ST6GALNAC3: variants seen among roughly 807,000 people sequenced by gnomAD.
ST6GALNAC3 encodes alpha-N-acetylgalactosaminide alpha-2,6-sialyltransferase 3.
ST6GALNAC3 carries 25 observed loss-of-function variants against 32.7 expected under a neutral mutation model. The ratio of observed to expected loss-of-function variants is 0.76; its 90% CI spans 0.56 to 1.07. The LOEUF (loss-of-function observed/expected upper bound fraction) is 1.07, where lower values mean the gene tolerates loss of function less well. ST6GALNAC3 is among the 50% of genes least tolerant of loss of function. The pLI, the probability that ST6GALNAC3 is intolerant of heterozygous loss-of-function variation, is 0.00. For missense variants in ST6GALNAC3, 355 were observed against 382.4 expected, an observed-to-expected ratio of 0.93 and a Z score of 0.60; for synonymous variants, 129 against 133.1, an observed-to-expected ratio of 0.97 and a Z score of 0.21.
intron 1 of ST6GALNAC3, among the ~76,000 whole-genome samples, chr1:76,225,492 A>T (rs983781974): frequency 6.6e-6 from 1 of 152,130 alleles, no homozygotes; most frequent in Non-Finnish European, 1.5e-5. Flanking sequence ...CAAACCCATT[A>T]AAGAGAGGAA....
chr1:76,187,782 C>T (rs949015378), intron 1 of ST6GALNAC3, among the ~76,000 whole-genome samples: 3 of 152,074 alleles, frequency 2.0e-5, no homozygotes, highest in African/African-American at 2.4e-5. Flanking sequence ...CTCAGAAAAC[C>T]GTGGTGAGCA....
At chr1:76,234,614 C>G (rs1656546768) in intron 1 of ST6GALNAC3, among the ~76,000 whole-genome samples, 1 of 152,242 alleles carries the variant, frequency 6.6e-6, no homozygotes, top group Non-Finnish European at 1.5e-5. Flanking sequence ...CTGGGCTCTA[C>G]ACCTGAATTT....
chr1:76,483,159 G>A (rs377534466), intron 3 of ST6GALNAC3, among the ~76,000 whole-genome samples: 5 of 152,152 alleles, frequency 3.3e-5, no homozygotes, highest in Admixed American at 6.6e-5. Flanking sequence ...AGTCTTTGCT[G>A]TTGTGAATAG....
At chr1:76,205,360 T>A (rs1489346539) in intron 1 of ST6GALNAC3, among the ~76,000 whole-genome samples, 4 of 152,080 alleles carry the variant, frequency 2.6e-5, no homozygotes. Flanking sequence ...TTCCTGATGG[T>A]GGGCAGGTCA....
chr1:76,543,466 A>AT (rs1213338081), intron 3 of ST6GALNAC3, among the ~76,000 whole-genome samples: 1 of 152,196 alleles, frequency 6.6e-6, no homozygotes, highest in African/African-American at 2.4e-5. Flanking sequence ...TTAAATAAAT[A>AT]TTTTTATCTT....
At chr1:76,239,871 A>G (rs1656870328) in intron 1 of ST6GALNAC3, among the ~76,000 whole-genome samples, 1 of 152,244 alleles carries the variant, frequency 6.6e-6, no homozygotes, top group Admixed American at 6.5e-5. Context: ...CTAGGCTAAT[A>G]GAAGTTTAGT....
Position 76,141,326 on chromosome 1 carries a change from G to A in ST6GALNAC3, c.18+66442G>A, listed in dbSNP as rs191254560. ...TTGCCCAGAAAAGAAGTCAGTTTAC[G>A]TATGCATCTTCCCTGGGTCAGGCTA... is the stretch of plus-strand genomic sequence containing the variant. On this transcript the variant is annotated intron_variant, in intron 1 of 4. Transcript: ENST00000328299. 3.3e-5 allele frequency among the ~76,000 whole-genome samples: 5 copies of A among 152,256 alleles called. 1 individual carries two copies. The Middle Eastern group carries it at 0.01, about 311-fold the overall frequency.
At chr1:76,386,878 G>A (rs555505470) in intron 2 of ST6GALNAC3, among the ~76,000 whole-genome samples, 3 of 152,266 alleles carry the variant, frequency 2.0e-5, no homozygotes, top group African/African-American at 4.8e-5. Flanking sequence ...ACATAGATCA[G>A]TAGAGGTTTT....
At chr1:76,480,265 G>A (rs1449225650) in intron 3 of ST6GALNAC3, among the ~76,000 whole-genome samples, 1 of 152,106 alleles carries the variant, frequency 6.6e-6, no homozygotes, top group Non-Finnish European at 1.5e-5. Flanking sequence ...ATTTTTCCCA[G>A]ATAAATTAGA....
Position 76,634,116 on chromosome 1 carries a change from C to G in ST6GALNAC3, c.*5310C>G. 1 of 982,594 alleles carries G rather than the reference C, an allele frequency of 1.0e-6. No individual in the cohort carries two copies. Among genetic ancestry groups the G allele is most frequent in the Non-Finnish European group, 1.2e-6 (1 of 828,194 alleles). The allele number at this position is 982,594 out of a possible 1,614,324, so 60.9% of individuals were successfully genotyped here. ...CTTTTTTTTGAGTAGAAAACCTCTT[C>G]TTTCTCCACAGATACATCTCTTTTT... On this transcript the variant is annotated 3_prime_UTR_variant, in exon 5 of 5. Transcript: ENST00000328299.
intron 3 of ST6GALNAC3, among the ~76,000 whole-genome samples, chr1:76,574,948 G>A (rs768518719): frequency 1.1e-3 from 172 of 152,182 alleles, no homozygotes; most frequent in Non-Finnish European, 3.8e-4. Context: ...AGGCAAAGAA[G>A]TTGACCTAAG....
chr1:76,076,203 T>G (rs1646814411), intron 1 of ST6GALNAC3, among the ~76,000 whole-genome samples: 1 of 152,220 alleles, frequency 6.6e-6, no homozygotes, highest in South Asian at 2.1e-4. Flanking sequence ...TACTATTCAT[T>G]GTGTTATTTG....
At chr1:76,231,717 C>CT (rs901392800) in intron 1 of ST6GALNAC3, among the ~76,000 whole-genome samples, 2 of 152,048 alleles carry the variant, frequency 1.3e-5, no homozygotes, top group Non-Finnish European at 2.9e-5. Flanking sequence ...GTATATGTCA[C>CT]TTTTTTTTCA....
intron 1 of ST6GALNAC3, among the ~76,000 whole-genome samples, chr1:76,271,240 G>A (rs954690600): frequency 3.3e-5 from 5 of 152,224 alleles, no homozygotes; most frequent in African/African-American, 4.8e-5. Flanking sequence ...AGAATTTTGC[G>A]GGCTGTGGTA....
chr1:76,276,080 T>C (rs1207458935), intron 1 of ST6GALNAC3, among the ~76,000 whole-genome samples: 4 of 152,168 alleles, frequency 2.6e-5, no homozygotes, highest in Admixed American at 2.6e-4. Context: ...CTTTTCAGAA[T>C]GTTAAACAAT....
At chr1:76,245,850 G>A (rs1657228229) in intron 1 of ST6GALNAC3, among the ~76,000 whole-genome samples, 1 of 152,158 alleles carries the variant, frequency 6.6e-6, no homozygotes, top group African/African-American at 2.4e-5. Context: ...TTTAGAATAA[G>A]TGCCATGTGG....
chr1:76,623,946 T>A (rs1648804387), intron 3 of ST6GALNAC3, among the ~76,000 whole-genome samples: 1 of 151,940 alleles, frequency 6.6e-6, no homozygotes, highest in African/African-American at 2.4e-5. Context: ...GAAGTTGTCA[T>A]TATTCCACTG....
At chr1:76,320,850 A>G (rs1646952469) in intron 2 of ST6GALNAC3, among the ~76,000 whole-genome samples, 1 of 152,076 alleles carries the variant, frequency 6.6e-6, no homozygotes, top group Non-Finnish European at 1.5e-5. Context: ...ATGTTCACAG[A>G]TCAAGTTCTA....
chr1:76,141,941 A>G (rs955286251), intron 1 of ST6GALNAC3, among the ~76,000 whole-genome samples: 3 of 152,212 alleles, frequency 2.0e-5, no homozygotes, highest in African/African-American at 7.2e-5. Flanking sequence ...CTCACAAGAC[A>G]AAGTCCTGTG....
Sources: gnomAD v4.1 joint callset for allele counts (sites outside exome capture counted in the v4.1 genomes callset) on GRCh38, gnomAD v4.1.1 for gene constraint, MANE v1.5 for transcripts, NCBI Gene and HGNC (gene_info 2026-07-23, HGNC 2026-07-21) for gene names.